The following CECR2 variants were observed in gnomAD, a reference collection of about 807,000 sequenced individuals.
The protein encoded by CECR2 is CECR2 histone acetyl-lysine reader.
In CECR2, 30 loss-of-function variants were observed where a neutral mutation model predicts 154.5. The observed-to-expected ratio is 0.19, with a 90% CI of 0.15 to 0.26. The LOEUF is 0.26. Ranked by LOEUF, CECR2 falls within the 10% of genes least tolerant of loss-of-function variation. The probability of loss-of-function intolerance (pLI) is 1.00; values close to 1 mark genes in which losing one functional copy is unlikely to be tolerated. For synonymous variants in CECR2, 725 were observed against 683.7 expected, an observed-to-expected ratio of 1.06 and a Z score of -0.94; for missense variants, 1,743 against 1,829.3, an observed-to-expected ratio of 0.95 and a Z score of 0.86.
At chr22:17,444,571 A>G (rs1315147589) in intron 1 of CECR2, among the ~76,000 whole-genome samples, 1 of 152,004 alleles carries the variant, frequency 6.6e-6, no homozygotes, top group Admixed American at 6.6e-5. Flanking sequence ...TTGCAGTGAG[A>G]TCATGCCACT....
At chr22:17,368,079 T>C (rs534183745), upstream of CECR2, among the ~76,000 whole-genome samples, 67 of 152,282 alleles carry the variant, frequency 4.4e-4, no homozygotes, top group African/African-American at 1.5e-3. Context: ...TTGAGATTAC[T>C]AGATTCACAG....
chr22:17,431,711 AGTG>A (rs1936167286), intron 1 of CECR2, among the ~76,000 whole-genome samples: 2 of 152,104 alleles, frequency 1.3e-5, no homozygotes, highest in Admixed American at 1.3e-4. Flanking sequence ...AAAAGACTAA[AGTG>A]GTAATTCTTA....
At chr22:17,420,727 C>T (rs949870463) in intron 1 of CECR2, among the ~76,000 whole-genome samples, 3 of 151,998 alleles carry the variant, frequency 2.0e-5, no homozygotes, top group Admixed American at 1.3e-4. Context: ...AAAGTTGTAC[C>T]TCAGCATTTT....
At chr22:17,531,738 A>G (rs113594851) in intron 9 of CECR2, among the ~76,000 whole-genome samples, 8 of 152,330 alleles carry the variant, frequency 5.3e-5, no homozygotes, top group African/African-American at 1.7e-4. Context: ...ACTGGATATA[A>G]ATTATATGTG....
intron 1 of CECR2, among the ~76,000 whole-genome samples, chr22:17,440,093 A>G (rs931927278): frequency 1.3e-5 from 2 of 151,990 alleles, no homozygotes; most frequent in Non-Finnish European, 2.9e-5. Flanking sequence ...AAAAAAGTAT[A>G]CTTGTTTGTA....
At chr22:17,549,795 T>G (rs1471484122) in intron 17 of CECR2, among the ~76,000 whole-genome samples, 1 of 147,922 alleles carries the variant, frequency 6.8e-6, no homozygotes, top group Non-Finnish European at 1.5e-5. Context: ...TTTTTTTTTT[T>G]TTTTTTTTTT....
At chr22:17,405,720 T>C (rs1177665726) in intron 1 of CECR2, among the ~76,000 whole-genome samples, 1 of 152,032 alleles carries the variant, frequency 6.6e-6, no homozygotes, top group African/African-American at 2.4e-5. Flanking sequence ...TACTCTTGTA[T>C]CTGTAACCTT....
At chr22:17,465,829 G>C (rs900930370) in intron 1 of CECR2, among the ~76,000 whole-genome samples, 2 of 151,948 alleles carry the variant, frequency 1.3e-5, no homozygotes, top group African/African-American at 4.8e-5. Context: ...ATGTTGGTCA[G>C]GCAGGTCTTG....
chr22:17,466,598 C>CCTTTTTTTTTTTTTTTTTTTTT (rs555359003), intron 1 of CECR2, among the ~76,000 whole-genome samples: 1 of 140,182 alleles, frequency 7.1e-6, no homozygotes, highest in African/African-American at 2.6e-5. Context: ...AAAACCTTGC[C>CCTTTTTTTTTTTTTTTTTTTTT]TTTTTTTTTT....
At chr22:17,443,371 T>C (rs1569085490) in intron 1 of CECR2, among the ~76,000 whole-genome samples, 1 of 152,174 alleles carries the variant, frequency 6.6e-6, no homozygotes, top group Non-Finnish European at 1.5e-5. Context: ...ATAGTTTTAT[T>C]ATCTGTGGAA....
At chr22:17,428,104 TG>T (rs1179016511) in intron 1 of CECR2, among the ~76,000 whole-genome samples, 1 of 152,258 alleles carries the variant, frequency 6.6e-6, no homozygotes, top group African/African-American at 2.4e-5. Context: ...TTCATGTGTC[TG>T]TAGGCTGCAT....
chr22:17,436,023 A>G (rs1313134771), intron 1 of CECR2, among the ~76,000 whole-genome samples: 1 of 152,006 alleles, frequency 6.6e-6, no homozygotes, highest in Admixed American at 6.6e-5. Context: ...CAGTGGCACC[A>G]TCTCAGCTCA....
Position 17,497,743 on chromosome 22 carries a change from A to G in CECR2, c.405+157A>G, listed in dbSNP as rs538215881. 3.3e-4 allele frequency among the ~76,000 whole-genome samples: 50 copies of G among 152,280 alleles called. No homozygotes were observed. In the South Asian group the frequency reaches 0.01, roughly 32 times the overall value. On this transcript the variant is annotated intron_variant, in intron 3 of 18. Coordinates refer to ENST00000262608, the MANE Select transcript of CECR2 (RefSeq NM_001290047.2). Reference sequence around the variant, plus strand: ...CAATAACACTGTATGGAAAACCATGACTGCTGTAGCCACGGAGATGCAAGA... The same window carrying G: ...CAATAACACTGTATGGAAAACCATGGCTGCTGTAGCCACGGAGATGCAAGA...
At chr22:17,399,730 G>A (rs2053864476) in intron 1 of CECR2, among the ~76,000 whole-genome samples, 1 of 152,120 alleles carries the variant, frequency 6.6e-6, no homozygotes. Flanking sequence ...TTTTATATGG[G>A]AGGATGAGCA....
intron 1 of CECR2, among the ~76,000 whole-genome samples, chr22:17,392,249 T>C (rs948350550): frequency 2.6e-5 from 4 of 152,038 alleles, no homozygotes; most frequent in East Asian, 1.9e-4. Flanking sequence ...AGTAAGACCG[T>C]GTCTCAACAA....
At position 17,545,374 on chromosome 22, in the gene CECR2, C is replaced by CAAAAAAAAA. The variant is rs695493; in HGVS notation, c.2860+2386_2860+2394dup. Among the ~76,000 whole-genome samples, 83 of 46,326 alleles carry CAAAAAAAAA rather than the reference C, an allele frequency of 1.8e-3. 5 individuals are homozygous for CAAAAAAAAA. The highest frequency in any genetic ancestry group is 2.7e-3 in the African/African-American group (30 of 11,092). The allele number at this position is 46,326 out of a possible 152,430, so 30.4% of individuals were successfully genotyped here. A position where few individuals can be genotyped will look rare whatever the true frequency, so the allele number is the denominator to read the frequency against. ...TGGGCGAAACAGCGAGACTCCGTCT[C>CAAAAAAAAA]AAAAAAAAAAAAAAAAAAAAAAAGA... On this transcript the variant is annotated intron_variant, in intron 16 of 18. Transcript: ENST00000262608.
At chr22:17,405,639 CAAAAAA>C (rs58874516) in intron 1 of CECR2, among the ~76,000 whole-genome samples, 2 of 72,322 alleles carry the variant, frequency 2.8e-5, no homozygotes, top group African/African-American at 4.5e-5. Context: ...GACTCCATCT[CAAAAAA>C]AAAAAAAAAA....
At chr22:17,498,320 G>T (rs1229333213) in intron 3 of CECR2, among the ~76,000 whole-genome samples, 1 of 152,104 alleles carries the variant, frequency 6.6e-6, no homozygotes, top group African/African-American at 2.4e-5. Flanking sequence ...GAACCCGGGA[G>T]GCGGAGCTTG....
At chr22:17,441,277 G>A (rs2054581348) in intron 1 of CECR2, among the ~76,000 whole-genome samples, 1 of 152,090 alleles carries the variant, frequency 6.6e-6, no homozygotes, top group Admixed American at 6.6e-5. Context: ...GATGCGTGTT[G>A]AGGGAGCAAG....
Sources: gnomAD v4.1 joint callset for allele counts (sites outside exome capture counted in the v4.1 genomes callset) on GRCh38, gnomAD v4.1.1 for gene constraint, MANE v1.5 for transcripts, NCBI Gene and HGNC (gene_info 2026-07-23, HGNC 2026-07-21) for gene names.